COG2: variants seen among roughly 807,000 people sequenced by gnomAD.
COG2 encodes conserved oligomeric Golgi complex subunit 2.
In COG2, 52 loss-of-function variants were observed where a neutral mutation model predicts 90.6. The observed-to-expected ratio is 0.57, with a 90% CI of 0.46 to 0.72. The LOEUF is 0.72. COG2 is among the 30% of genes least tolerant of loss of function. COG2 has a pLI of 0.00. For synonymous variants in COG2, 337 were observed against 320.4 expected, an observed-to-expected ratio of 1.05 and a Z score of -0.55; for missense variants, 829 against 891.2, an observed-to-expected ratio of 0.93 and a Z score of 0.89.
chr1:230,679,595 T>C (rs1341100237), intron 10 of COG2: 1 of 152,236 alleles, frequency 6.6e-6, no homozygotes, highest in Non-Finnish European at 1.5e-5. Flanking sequence ...TACCCTCTAT[T>C]CAGGAAAATG....
chr1:230,652,841 G>T (rs1252439504), intron 1 of COG2, among the ~76,000 whole-genome samples: 1 of 152,046 alleles, frequency 6.6e-6, no homozygotes, highest in South Asian at 2.1e-4. Flanking sequence ...CATACTGCTT[G>T]CCCACCCCAG....
chr1:230,652,765 C>G (rs1661944624), intron 1 of COG2, among the ~76,000 whole-genome samples: 1 of 152,062 alleles, frequency 6.6e-6, no homozygotes, highest in Admixed American at 6.5e-5. Context: ...TTTGCAGTTC[C>G]CTAATAATAA....
chr1:230,680,139 G>C (rs181065037), intron 10 of COG2: 1 of 152,304 alleles, frequency 6.6e-6, no homozygotes, highest in East Asian at 1.9e-4. Context: ...GAAATAGTTG[G>C]TATATGATAA....
In COG2 at chr1:230,686,954, C is replaced by T. The variant is rs1275370645; in HGVS notation, c.1400C>T (p.Ser467Phe). 2 of 1,554,780 alleles carry T rather than the reference C, an allele frequency of 1.3e-6. No individual in the cohort carries two copies. The highest frequency in any genetic ancestry group is 3.8e-5 in the Admixed American group (2 of 53,184). Reference protein sequence around the residue: ...FVNELSLRPISNESPKEIKKP... With the variant: ...FVNELSLRPIFNESPKEIKKP... ...TTTCAGCTTTCACTCAGGCCCATTT[C>T]TAATGAAAGTCCCAAGGAGATCAAG... Residue 467 changes from serine (S) to phenylalanine (F), a missense_variant, in exon 13 of 18, where the codon TCT becomes TTT. By Grantham distance (155) the Ser-to-Phe change is radical. Coordinates refer to ENST00000366669, the MANE Select transcript of COG2 (RefSeq NM_007357.3).
intron 16 of COG2, among the ~76,000 whole-genome samples, chr1:230,690,604 G>C (rs1663003081): frequency 6.6e-6 from 1 of 152,138 alleles, no homozygotes; most frequent in Non-Finnish European, 1.5e-5. Flanking sequence ...AGCTGACAAG[G>C]ACTCGATTCC....
At chr1:230,644,121 A>G (rs1364433125) in intron 1 of COG2, among the ~76,000 whole-genome samples, 2 of 152,208 alleles carry the variant, frequency 1.3e-5, no homozygotes, top group African/African-American at 4.8e-5. Context: ...ATGCAGCTTC[A>G]GGAAGTGAAA....
At chr1:230,657,515 AG>A (rs1221803454) in intron 1 of COG2, among the ~76,000 whole-genome samples, 1 of 151,782 alleles carries the variant, frequency 6.6e-6, no homozygotes, top group African/African-American at 2.4e-5. Context: ...CCTTCATTTT[AG>A]CCTTGGTGAA....
intron 1 of COG2, 66 bp downstream of exon 1, chr1:230,642,744 C>A: frequency 6.7e-7 from 1 of 1,493,726 alleles, no homozygotes; most frequent in Non-Finnish European, 9.1e-7. Flanking sequence ...CCCTCTGTGG[C>A]GGTCTCTTCG....
chr1:230,664,993 T>A (rs1216447960), intron 5 of COG2, among the ~76,000 whole-genome samples: 1 of 152,140 alleles, frequency 6.6e-6, no homozygotes, highest in Non-Finnish European at 1.5e-5. Context: ...TATTAAGAAA[T>A]AGTACAGGAC....
intron 1 of COG2, among the ~76,000 whole-genome samples, chr1:230,645,719 G>A (rs1031259467): frequency 8.5e-5 from 13 of 152,148 alleles, no homozygotes; most frequent in African/African-American, 2.9e-4. Flanking sequence ...GAATCAGTGG[G>A]AGCTCTGACC....
chr1:230,663,258 A>C (rs1156258335), intron 4 of COG2, 37 bp downstream of exon 4: 1 of 1,534,376 alleles, frequency 6.5e-7, no homozygotes, highest in African/African-American at 1.4e-5. Flanking sequence ...TCGTTGATTC[A>C]CTGTAGCACC....
Position 230,659,509 on chromosome 1 carries a change from G to T in COG2, c.118G>T (p.Val40Phe). The change falls in exon 2 of 18, where the codon GTC (valine) becomes TTC (phenylalanine). Residue 40 changes from valine (V) to phenylalanine (F), a missense_variant. Coordinates refer to ENST00000366669, the MANE Select transcript of COG2 (RefSeq NM_007357.3). ...TTTTGTGTCTGACTGTAGGAAGCGG[G>T]TCCAGCTGGAAGAACTGAGAGATGA... is the stretch of plus-strand genomic sequence containing the variant. ...DHFVSDCRKR[V>F]QLEELRDDLE... 6.2e-7 allele frequency: 1 copy of T among 1,613,978 alleles called. No individual in the cohort carries two copies. Among genetic ancestry groups the T allele is most frequent in the Non-Finnish European group, 8.5e-7 (1 of 1,179,872 alleles).
At chr1:230,648,787 C>T (rs1661846958) in intron 1 of COG2, among the ~76,000 whole-genome samples, 1 of 152,074 alleles carries the variant, frequency 6.6e-6, no homozygotes, top group African/African-American at 2.4e-5. Context: ...TTTAACTAAC[C>T]AAATTAATCA....
intron 1 of COG2, among the ~76,000 whole-genome samples, chr1:230,659,101 T>C (rs931677846): frequency 6.6e-6 from 1 of 152,240 alleles, no homozygotes; most frequent in African/African-American, 2.4e-5. Flanking sequence ...TGGATATTTT[T>C]AATATAATTC....
At chr1:230,661,009 C>T (rs768513511) in intron 3 of COG2, 186 bp downstream of exon 3, 34 of 407,200 alleles carry the variant, frequency 8.3e-5, no homozygotes, top group Admixed American at 1.8e-4. Context: ...GATACTATAA[C>T]CAAAAAAATG....
At chr1:230,686,157 T>A (rs1442541221) in intron 12 of COG2, among the ~76,000 whole-genome samples, 1 of 152,248 alleles carries the variant, frequency 6.6e-6, no homozygotes, top group Non-Finnish European at 1.5e-5. Context: ...AGCTTCTATA[T>A]GTGGCTGTTG....
At chr1:230,646,991 G>T (rs934888970) in intron 1 of COG2, among the ~76,000 whole-genome samples, 1 of 151,564 alleles carries the variant, frequency 6.6e-6, no homozygotes, top group Non-Finnish European at 1.5e-5. Context: ...TCTTACTGTA[G>T]TCCCCTGGCA....
chr1:230,674,093 C>G (rs1205431510), intron 8 of COG2, among the ~76,000 whole-genome samples: 1 of 152,070 alleles, frequency 6.6e-6, no homozygotes, highest in African/African-American at 2.4e-5. Context: ...TGGTGTTTGC[C>G]TAGAATGGAT....
chr1:230,678,381 T>G (rs2102765455), intron 9 of COG2: 1 of 985,438 alleles, frequency 1.0e-6, no homozygotes, highest in Non-Finnish European at 1.2e-6. Context: ...ACAATTCTAA[T>G]CACAGTGTGT....
Sources: gnomAD v4.1 joint callset for allele counts (sites outside exome capture counted in the v4.1 genomes callset) on GRCh38, gnomAD v4.1.1 for gene constraint, MANE v1.5 for transcripts, NCBI Gene and HGNC (gene_info 2026-07-23, HGNC 2026-07-21) for gene names.